Variants in AGBL1 observed in about 807,000 individuals in gnomAD.
AGBL1 encodes cytosolic carboxypeptidase 4.
A neutral mutation model predicts 118.9 loss-of-function variants in AGBL1; 130 were observed. The observed-to-expected ratio is 1.09, with a 90% CI of 0.95 to 1.26. The LOEUF (loss-of-function observed/expected upper bound fraction) is 1.26. AGBL1 is among the 50% of genes most tolerant of loss of function. AGBL1 has a pLI of 0.00. For missense variants in AGBL1, 1,584 were observed against 1,298.1 expected (o/e 1.22, Z -3.38); for synonymous variants, 555 against 478.9 (o/e 1.16, Z -2.08).
chr15:86,342,734 T>G (rs184542408), intron 17 of AGBL1, among the ~76,000 whole-genome samples: 33 of 152,346 alleles, frequency 2.2e-4, no homozygotes, highest in South Asian at 2.1e-4. Context: ...CTCTGTATGT[T>G]TGTTATGATG....
At chr15:86,089,059 T>G (rs1895855237) in intron 1 of AGBL1, among the ~76,000 whole-genome samples, 1 of 152,234 alleles carries the variant, frequency 6.6e-6, no homozygotes, top group Non-Finnish European at 1.5e-5. Context: ...AGACATAATA[T>G]ATGTCATTTT....
At chr15:86,234,870 T>C (rs916148510) in intron 6 of AGBL1, among the ~76,000 whole-genome samples, 2 of 152,186 alleles carry the variant, frequency 1.3e-5, no homozygotes, top group African/African-American at 4.8e-5. Context: ...CAGGAAGTGA[T>C]GATATAAGGG....
chr15:86,295,603 G>T, intron 17 of AGBL1, 195 bp downstream of exon 17: 3 of 460,120 alleles, frequency 6.5e-6, no homozygotes, highest in Non-Finnish European at 1.1e-5. Context: ...GTTAAAGGGA[G>T]AGAAAATGAA....
intron 23 of AGBL1, among the ~76,000 whole-genome samples, chr15:86,953,597 G>T (rs962657938): frequency 4.6e-5 from 7 of 151,808 alleles, no homozygotes; most frequent in African/African-American, 1.7e-4. Context: ...CACCATGTTG[G>T]CCAGGCTGTT....
At chr15:86,238,961 A>C (rs28566078) in intron 6 of AGBL1, among the ~76,000 whole-genome samples, 16,085 of 152,070 alleles carry the variant, frequency 0.11, 1,426 homozygotes, top group African/African-American at 0.23. Flanking sequence ...TAGGTGCAGC[A>C]TTGCAACCTA....
chr15:86,406,017 G>A (rs1035383653), intron 18 of AGBL1, among the ~76,000 whole-genome samples: 1 of 152,240 alleles, frequency 6.6e-6, no homozygotes, highest in African/African-American at 2.4e-5. Context: ...ACAGCCTAGA[G>A]GGTGAAGGAG....
At chr15:86,693,675 C>T (rs1393423089) in intron 22 of AGBL1, among the ~76,000 whole-genome samples, 3 of 152,056 alleles carry the variant, frequency 2.0e-5, no homozygotes, top group Non-Finnish European at 4.4e-5. Context: ...TTGCCTAAGC[C>T]AATGCCTAGA....
chr15:86,738,691 T>C (rs769085447), intron 22 of AGBL1, among the ~76,000 whole-genome samples: 7 of 152,198 alleles, frequency 4.6e-5, no homozygotes, highest in Non-Finnish European at 1.0e-4. Context: ...TGAAGTCAAA[T>C]GAATTTGGGA....
intron 24 of AGBL1, among the ~76,000 whole-genome samples, chr15:87,000,881 G>A (rs1271774916): frequency 6.8e-6 from 1 of 146,894 alleles, no homozygotes; most frequent in Non-Finnish European, 1.5e-5. Flanking sequence ...TCTTCCATTT[G>A]TTTGTATCCT....
intron 22 of AGBL1, among the ~76,000 whole-genome samples, chr15:86,819,131 A>G (rs991424291): frequency 6.6e-6 from 1 of 151,960 alleles, no homozygotes; most frequent in African/African-American, 2.4e-5. Context: ...GAGCAGAAAA[A>G]GAAAGTGATG....
chr15:86,560,608 A>G (rs1291405934), intron 21 of AGBL1, among the ~76,000 whole-genome samples: 1 of 152,242 alleles, frequency 6.6e-6, no homozygotes, highest in African/African-American at 2.4e-5. Flanking sequence ...ACACATGTGC[A>G]TCTGTCTTTA....
intron 22 of AGBL1, among the ~76,000 whole-genome samples, chr15:86,785,169 G>A (rs965501480): frequency 6.6e-6 from 1 of 151,920 alleles, no homozygotes; most frequent in Admixed American, 6.6e-5. Context: ...GAGAGCCAGG[G>A]CACAGCTGTA....
At chr15:86,736,012 G>C (rs2077592120) in intron 22 of AGBL1, among the ~76,000 whole-genome samples, 1 of 152,100 alleles carries the variant, frequency 6.6e-6, no homozygotes, top group African/African-American at 2.4e-5. Flanking sequence ...TGACAATGAG[G>C]ATACCAAGTT....
At chr15:86,571,698 G>A (rs1165819407) in intron 21 of AGBL1, among the ~76,000 whole-genome samples, 1 of 152,182 alleles carries the variant, frequency 6.6e-6, no homozygotes, top group Non-Finnish European at 1.5e-5. Flanking sequence ...AAGGGATGGG[G>A]TGTTTATTGG....
At chr15:86,570,782 G>T (rs762350476) in intron 21 of AGBL1, among the ~76,000 whole-genome samples, 1 of 152,112 alleles carries the variant, frequency 6.6e-6, no homozygotes, top group African/African-American at 2.4e-5. Context: ...CGCTTTTCTG[G>T]CTGGAAACCT....
intron 1 of AGBL1, among the ~76,000 whole-genome samples, chr15:86,134,508 A>G (rs867369695): frequency 6.6e-6 from 1 of 150,936 alleles, no homozygotes; most frequent in Admixed American, 6.6e-5. Flanking sequence ...TTCCCAGTCT[A>G]GTAAAATTGG....
In AGBL1 at chr15:87,021,197, AC is replaced by A. The variant is rs766252701; in HGVS notation, c.3324-7627del. ...AGTAGAGAACTCAGAAATAAGACCT[AC>A]AACCATCTGATCTTTGACAAACCCG... On this transcript the variant is annotated intron_variant, in intron 24 of 24. Coordinates refer to the AGBL1 transcript ENST00000441037. 3.0e-4 allele frequency among the ~76,000 whole-genome samples: 45 copies of A among 151,582 alleles called. 1 individual carries two copies. The highest frequency in any genetic ancestry group is 5.9e-4 in the Non-Finnish European group (40 of 67,650).
chr15:87,019,957 C>A (rs969681015), intron 24 of AGBL1, among the ~76,000 whole-genome samples: 2 of 151,990 alleles, frequency 1.3e-5, no homozygotes, highest in Non-Finnish European at 2.9e-5. Context: ...GAAATATAAA[C>A]AACCATCACA....
At chr15:86,871,239 C>T (rs2141504776) in intron 22 of AGBL1, among the ~76,000 whole-genome samples, 2 of 152,278 alleles carry the variant, frequency 1.3e-5, no homozygotes, top group Middle Eastern at 6.8e-3. Flanking sequence ...TAGAGACATC[C>T]ATCTGTCAGA....
Sources: allele counts gnomAD v4.1 joint callset (sites outside exome capture counted in the v4.1 genomes callset), GRCh38; gene constraint gnomAD v4.1.1; transcripts MANE v1.5; gene names NCBI Gene and HGNC (gene_info 2026-07-23, HGNC 2026-07-21).